The following TUBB8 variants were observed in gnomAD, a reference collection of about 807,000 sequenced individuals.
The protein encoded by TUBB8 is tubulin beta-8 chain.
Under a neutral mutation model 33.7 loss-of-function variants are expected in TUBB8, and 25 were observed. The ratio of observed to expected loss-of-function variants is 0.74; its 90% confidence interval spans 0.54 to 1.04. The LOEUF is 1.04. Among genes scored for constraint, TUBB8 ranks in the 50% least tolerant of loss-of-function variants. TUBB8 has a pLI of 0.00. For missense variants in TUBB8, 279 were observed against 608.0 expected, an observed-to-expected ratio of 0.46 and a Z score of 5.69; for synonymous variants, 245 against 240.1, an observed-to-expected ratio of 1.02 and a Z score of -0.19.
Position 47,050 on chromosome 10 carries a change from G to A in TUBB8, c.*7C>T, listed in dbSNP as rs781947667. 55 of 915,762 alleles carry A rather than the reference G, an allele frequency of 6.0e-5. No individual in the cohort carries two copies. Among genetic ancestry groups the A allele is most frequent in the Non-Finnish European group, 7.7e-5 (45 of 583,356 alleles). The allele number at this position is 915,762 out of a possible 1,614,324, so 56.7% of individuals were successfully genotyped here. On this transcript the variant is annotated 3_prime_UTR_variant, in exon 4 of 4. Coordinates refer to ENST00000568584, the MANE Select transcript of TUBB8 (RefSeq NM_177987.3). ...TGCTTCCCCCCTTTACCTAGAAAAG[G>A]AGAGTTCTAGGCCACCTCCTCCTCG... is the stretch of plus-strand genomic sequence containing the variant.
At chr10:72,494 G>A (rs2130953702) in intron 1 of TUBB8, among the ~76,000 whole-genome samples, 1 of 152,306 alleles carries the variant, frequency 6.6e-6, no homozygotes. Flanking sequence ...GGAGGTGGAG[G>A]TTGCAGTGAG....
upstream of TUBB8, among the ~76,000 whole-genome samples, chr10:75,173 G>A (rs1275855604): frequency 1.9e-5 from 2 of 104,096 alleles, no homozygotes; most frequent in South Asian, 3.3e-4. Flanking sequence ...GTGAGCCACC[G>A]CGCCCAGCCA....
intron 1 of TUBB8, among the ~76,000 whole-genome samples, chr10:56,587 A>C (rs1229655932): frequency 6.6e-6 from 1 of 152,152 alleles, no homozygotes; most frequent in Non-Finnish European, 1.5e-5. Context: ...GCAGGGGGGA[A>C]GTGCTACGCA....
At position 47,001 on chromosome 10, in the gene TUBB8, C is replaced by A; in HGVS notation, c.*56G>T. The A allele has an allele frequency of 1.6e-6, 1 of 643,830 alleles. No individual in the cohort carries two copies. The highest frequency in any genetic ancestry group is 1.9e-5 in the African/African-American group (1 of 52,340). 39.9% of individuals were successfully genotyped at this position (643,830 alleles called of 1,614,324 possible). On this transcript the variant is annotated 3_prime_UTR_variant, in exon 4 of 4. Coordinates refer to ENST00000568584, the MANE Select transcript of TUBB8 (RefSeq NM_177987.3). ...CAAGCGTATAGTGACACATGGCTGT[C>A]AGAACACAGTAAAGAATCCACACTG...
At chr10:70,248 TTTG>T (rs1247786980) in intron 1 of TUBB8, among the ~76,000 whole-genome samples, 4 of 143,264 alleles carry the variant, frequency 2.8e-5, no homozygotes, top group Non-Finnish European at 4.6e-5. Flanking sequence ...ATAAGTATAT[TTTG>T]TTGTTGTTGT....
At chr10:70,627 G>T (rs1302135707) in intron 1 of TUBB8, among the ~76,000 whole-genome samples, 1 of 152,050 alleles carries the variant, frequency 6.6e-6, no homozygotes, top group Non-Finnish European at 1.5e-5. Context: ...ATCAGCTGAG[G>T]TCAGGAGTTT....
upstream of TUBB8, among the ~76,000 whole-genome samples, chr10:50,494 T>C (rs4266997): frequency 0.78 from 117,481 of 151,334 alleles, 46,175 homozygotes; most frequent in Middle Eastern, 0.88. Context: ...GCCTTGGCTG[T>C]GGCATCTACA....
At chr10:73,275 G>T (rs187778535) in intron 1 of TUBB8, among the ~76,000 whole-genome samples, 1 of 144,126 alleles carries the variant, frequency 6.9e-6, no homozygotes, top group Non-Finnish European at 1.5e-5. Flanking sequence ...GTGCAGTGGC[G>T]TGAGCATGAT....
At chr10:68,954 C>T (rs1387879686) in intron 1 of TUBB8, among the ~76,000 whole-genome samples, 3 of 152,206 alleles carry the variant, frequency 2.0e-5, no homozygotes, top group Admixed American at 6.5e-5. Context: ...GGGTCTGCCC[C>T]GTGTTTCCTC....
rs1412115699 is a variant in TUBB8, at chr10:49,086, G to A, written c.57+96C>T. ...CCACCGTCCCCGGCAGGGAGCCCAG[G>A]GGCCGCAATGCATGGGCACCGCCCC... On this transcript the variant is annotated intron_variant, in intron 1 of 3. Transcript: ENST00000568584. The A allele has an allele frequency of 5.0e-6, 7 of 1,402,350 alleles. No individual in the cohort carries two copies. The African/African-American group carries it at 5.7e-5, about 11-fold the overall frequency. 86.9% of individuals were successfully genotyped at this position (1,402,350 alleles called of 1,614,324 possible). A position where few individuals can be genotyped will look rare whatever the true frequency, so the allele number is the denominator to read the frequency against.
At chr10:67,984 T>C (rs1308308171) in intron 1 of TUBB8, among the ~76,000 whole-genome samples, 36 of 152,238 alleles carry the variant, frequency 2.4e-4, no homozygotes, top group Non-Finnish European at 1.6e-4. Flanking sequence ...GTGCCCGGCT[T>C]TCATTCTAAA....
intron 1 of TUBB8, among the ~76,000 whole-genome samples, chr10:59,280 C>A (rs1554740577): frequency 6.6e-6 from 1 of 152,176 alleles, no homozygotes. Context: ...CCTCTGCCTC[C>A]CGGGTTCAAG....
intron 1 of TUBB8, among the ~76,000 whole-genome samples, chr10:63,986 T>C (rs1554741234): frequency 6.6e-6 from 1 of 152,174 alleles, no homozygotes; most frequent in Non-Finnish European, 1.5e-5. Flanking sequence ...CAATACACAG[T>C]AGCAAACACG....
At chr10:49,655 C>T (rs1385107837), upstream of TUBB8, 4 of 458,672 alleles carry the variant, frequency 8.7e-6, no homozygotes, top group African/African-American at 6.0e-5. Context: ...TGAGTCTTTT[C>T]ATCTATTAGG....
downstream of TUBB8, chr10:46,773 G>A (rs1834333384): frequency 9.6e-6 from 4 of 416,524 alleles, no homozygotes; most frequent in Admixed American, 7.8e-5. Flanking sequence ...TGGAGCCACT[G>A]GAATGCTTGT....
At chr10:76,154 A>C (rs1176924385), upstream of TUBB8, among the ~76,000 whole-genome samples, 3 of 150,828 alleles carry the variant, frequency 2.0e-5, no homozygotes, top group African/African-American at 4.9e-5. Flanking sequence ...AAAAAAAAAA[A>C]AAAAAACACG....
Position 47,879 on chromosome 10 carries a change from G to A in TUBB8, c.513C>T (p.Pro171=), listed in dbSNP as rs137895574. Residue 171 remains proline, a synonymous_variant, in exon 4 of 4, where the codon CCC becomes CCT. Coordinates refer to ENST00000568584, the MANE Select transcript of TUBB8 (RefSeq NM_177987.3). ...DRIINTFSIL[P]SPKVSDTVVE... is the part of the protein sequence containing the mutation. ...CCACGGTGTCCGACACCTTGGGCGA[G>A]GGCAGGATGCTGAATGTGTTTATGA... 29 of 1,614,198 alleles carry A rather than the reference G, an allele frequency of 1.8e-5. No homozygotes were observed. The East Asian group carries it at 2.5e-4, about 14-fold the overall frequency.
At chr10:55,161 C>T (rs374022550) in intron 1 of TUBB8, among the ~76,000 whole-genome samples, 16,687 of 119,300 alleles carry the variant, frequency 0.14, no homozygotes, top group African/African-American at 0.25. Flanking sequence ...AAGCAGGCAC[C>T]TCTTCCATGA....
upstream of TUBB8, among the ~76,000 whole-genome samples, chr10:53,336 C>T (rs1236086298): frequency 6.6e-6 from 1 of 152,132 alleles, no homozygotes; most frequent in African/African-American, 2.4e-5. Context: ...CTCTGTTGGC[C>T]GGGCTGGTCT....
Sources: gnomAD v4.1 joint callset for allele counts (sites outside exome capture counted in the v4.1 genomes callset) on GRCh38, gnomAD v4.1.1 for gene constraint, MANE v1.5 for transcripts, NCBI Gene and HGNC (gene_info 2026-07-23, HGNC 2026-07-21) for gene names.